Variants in ARID5B observed in about 807,000 individuals in gnomAD.
ARID5B encodes the protein AT-rich interactive domain-containing protein 5B.
ARID5B carries 13 observed loss-of-function variants against 97.2 expected under a neutral mutation model. The ratio of observed to expected loss-of-function variants is 0.13; its 90% CI spans 0.09 to 0.21. ARID5B has a LOEUF of 0.21. Among genes scored for constraint, ARID5B ranks in the 10% least tolerant of loss-of-function variants. ARID5B has a pLI of 1.00. For synonymous variants in ARID5B, 556 were observed against 570.3 expected, an observed-to-expected ratio of 0.97 and a Z score of 0.36; for missense variants, 1,210 against 1,465.3, an observed-to-expected ratio of 0.83 and a Z score of 2.84.
Position 62,091,421 on chromosome 10 carries a change from C to T in ARID5B, c.1958C>T (p.Ser653Leu). 1.2e-6 allele frequency: 2 copies of T among 1,612,566 alleles called. No individual in the cohort carries two copies. The highest frequency in any genetic ancestry group is 1.7e-6 in the Non-Finnish European group (2 of 1,179,066). ...KQTPKVLVVQSFDMFKDKDLT... is the reference protein window; with the variant it reads ...KQTPKVLVVQLFDMFKDKDLT... ...ACCCCAAAGGTCCTTGTGGTCCAGTCGTTTGACATGTTCAAAGACAAAGAC... is the reference window on the plus strand; with the variant it reads ...ACCCCAAAGGTCCTTGTGGTCCAGTTGTTTGACATGTTCAAAGACAAAGAC... Residue 653 changes from serine to leucine, a missense_variant, in exon 10 of 10, where the codon TCG (serine) becomes TTG (leucine). By Grantham distance (145) the Ser-to-Leu change is moderately radical. This residue lies in a region of ARID5B where 800 missense variants were observed against 839.1 expected (regional missense o/e 0.95). Transcript: ENST00000279873.
intron 4 of ARID5B, among the ~76,000 whole-genome samples, chr10:62,047,389 G>A (rs774517416): frequency 2.3e-4 from 35 of 152,242 alleles, no homozygotes; most frequent in Middle Eastern, 3.4e-3. Context: ...GATAAGCCAG[G>A]CCAGTGAATC....
intron 2 of ARID5B, among the ~76,000 whole-genome samples, chr10:61,921,637 G>A (rs997189261): frequency 6.6e-6 from 1 of 152,084 alleles, no homozygotes; most frequent in Non-Finnish European, 1.5e-5. Context: ...TTTGTTAGAA[G>A]TGAGGCATTA....
chr10:62,057,463 G>T, intron 6 of ARID5B, 145 bp downstream of exon 6: 1 of 889,384 alleles, frequency 1.1e-6, no homozygotes. Flanking sequence ...AATGTTCCAG[G>T]CCAAGAATTT....
intron 2 of ARID5B, among the ~76,000 whole-genome samples, chr10:61,924,589 T>TA (rs1235986901): frequency 9.2e-5 from 14 of 152,054 alleles, no homozygotes; most frequent in Non-Finnish European, 2.1e-4. Flanking sequence ...GTGAACAGAG[T>TA]AAAAAAATTT....
intron 8 of ARID5B, among the ~76,000 whole-genome samples, chr10:62,082,735 C>T (rs1840230179): frequency 1.3e-5 from 2 of 152,032 alleles, no homozygotes; most frequent in Non-Finnish European, 2.9e-5. Context: ...AGCTTTTGTC[C>T]TCTTGTACTG....
chr10:61,907,475 G>T (rs1843726390), intron 2 of ARID5B, among the ~76,000 whole-genome samples: 1 of 152,142 alleles, frequency 6.6e-6, no homozygotes, highest in Admixed American at 6.5e-5. Context: ...GGATTTAATG[G>T]CCTCAACTGT....
chr10:62,029,976 G>A (rs942236560), intron 4 of ARID5B, among the ~76,000 whole-genome samples: 1 of 152,156 alleles, frequency 6.6e-6, no homozygotes, highest in African/African-American at 2.4e-5. Context: ...GTTTCCATTT[G>A]GGTCAGAGAA....
In ARID5B at chr10:62,001,820, G is replaced by C. The variant is rs560967144; in HGVS notation, c.733+1499G>C. ...ATTCTGTAAGAGGGCAACACTGTTT[G>C]TATTTATTTTTTCTTCTTCAAAGAA... On this transcript the variant is annotated intron_variant, in intron 4 of 9. Coordinates refer to ENST00000279873, the MANE Select transcript of ARID5B (RefSeq NM_032199.3). 2.1e-3 allele frequency among the ~76,000 whole-genome samples: 317 copies of C among 152,224 alleles called. 2 individuals carry two copies. Among genetic ancestry groups the C allele is most frequent in the Non-Finnish European group, 3.3e-3 (225 of 67,994 alleles).
At chr10:61,904,968 T>C (rs1236508798) in intron 2 of ARID5B, among the ~76,000 whole-genome samples, 3 of 152,240 alleles carry the variant, frequency 2.0e-5, no homozygotes, top group African/African-American at 4.8e-5. Flanking sequence ...AGGAGAGCCT[T>C]ACAGAAACCA....
chr10:61,915,055 C>T (rs1283103277), intron 2 of ARID5B, among the ~76,000 whole-genome samples: 5 of 152,194 alleles, frequency 3.3e-5, no homozygotes, highest in African/African-American at 4.8e-5. Context: ...TTCTTTCCTG[C>T]TCTTTAGGGA....
chr10:62,063,640 T>C (rs1226279651), intron 7 of ARID5B, among the ~76,000 whole-genome samples: 1 of 152,208 alleles, frequency 6.6e-6, no homozygotes, highest in East Asian at 1.9e-4. Context: ...CATCCTTAGG[T>C]TGAGAGAGCA....
intron 8 of ARID5B, among the ~76,000 whole-genome samples, chr10:62,074,260 ATGTAT>A (rs1840099859): frequency 6.6e-6 from 1 of 152,212 alleles, no homozygotes; most frequent in Non-Finnish European, 1.5e-5. Context: ...TCATAAACAA[ATGTAT>A]TTGTTTGTGA....
intron 2 of ARID5B, among the ~76,000 whole-genome samples, chr10:61,906,308 T>C (rs1299749011): frequency 1.3e-5 from 2 of 152,196 alleles, no homozygotes; most frequent in African/African-American, 4.8e-5. Flanking sequence ...AGCAGGGCCA[T>C]GTGCAAGGAG....
intron 8 of ARID5B, 61 bp downstream of exon 8, chr10:62,069,858 G>A: frequency 6.5e-7 from 1 of 1,541,182 alleles, no homozygotes; most frequent in Admixed American, 1.7e-5. Flanking sequence ...GGAGCTTCTG[G>A]TCAAGGATAA....
At chr10:62,024,328 A>G (rs1021023787) in intron 4 of ARID5B, among the ~76,000 whole-genome samples, 2 of 152,234 alleles carry the variant, frequency 1.3e-5, no homozygotes, top group African/African-American at 2.4e-5. Context: ...CCTAATTTTG[A>G]CTAATACAAC....
chr10:61,928,099 A>AGGAAGAGTCATTGTGTTTGGT (rs1360467242), intron 2 of ARID5B, among the ~76,000 whole-genome samples: 2 of 152,082 alleles, frequency 1.3e-5, no homozygotes, highest in African/African-American at 4.8e-5. Context: ...CATCCCTTTA[A>AGGAAGAGTCATTGTGTTTGGT]GGAAGAGTCA....
chr10:61,928,454 C>T (rs994510328), intron 2 of ARID5B, among the ~76,000 whole-genome samples: 8 of 152,148 alleles, frequency 5.3e-5, no homozygotes, highest in Non-Finnish European at 1.2e-4. Flanking sequence ...GCACCTGCCA[C>T]CATGCCTGGC....
At chr10:61,983,701 C>A (rs143830562) in intron 3 of ARID5B, among the ~76,000 whole-genome samples, 137 of 150,678 alleles carry the variant, frequency 9.1e-4, no homozygotes, top group African/African-American at 3.2e-3. Context: ...TGCTGACCTG[C>A]GTATGAAGCA....
At chr10:61,927,798 T>G (rs567336652) in intron 2 of ARID5B, among the ~76,000 whole-genome samples, 42 of 152,338 alleles carry the variant, frequency 2.8e-4, no homozygotes, top group African/African-American at 9.4e-4. Context: ...ATATCATCAT[T>G]TCAGAGAAAA....
Sources: gnomAD v4.1 joint callset for allele counts (sites outside exome capture counted in the v4.1 genomes callset) on GRCh38, gnomAD v4.1.1 for gene constraint, gnomAD v4.1.1 regional missense constraint, MANE v1.5 for transcripts, NCBI Gene and HGNC (gene_info 2026-07-23, HGNC 2026-07-21) for gene names.